KLHL1: variants seen among roughly 807,000 people sequenced by gnomAD.
KLHL1 encodes kelch like family member 1.
KLHL1 carries 47 observed loss-of-function variants against 77.7 expected under a neutral mutation model. That is an observed-to-expected ratio of 0.60 (90% CI 0.48 to 0.77). The LOEUF is 0.77. Ranked by LOEUF, KLHL1 falls within the 30% of genes least tolerant of loss-of-function variation. The pLI is 0.00. For missense variants in KLHL1, 925 were observed against 910.8 expected, an observed-to-expected ratio of 1.02 and a Z score of -0.20; for synonymous variants, 360 against 325.2, an observed-to-expected ratio of 1.11 and a Z score of -1.15.
At chr13:69,747,963 C>T (rs997869313) in intron 7 of KLHL1, among the ~76,000 whole-genome samples, 2 of 151,786 alleles carry the variant, frequency 1.3e-5, no homozygotes, top group African/African-American at 2.4e-5. Flanking sequence ...TATAATAAGC[C>T]AAGGAACATT....
chr13:70,108,011 T>G lies in KLHL1; in HGVS notation c.-312A>C. ...CGATGCCCGCGCGAGAGCCCCGTGT[T>G]ATGGCGAGGTGGGACAACCCTTAGG... On this transcript the variant is annotated 5_prime_UTR_variant, in exon 1 of 11. Coordinates refer to ENST00000377844, the MANE Select transcript of KLHL1 (RefSeq NM_020866.3). 2.3e-6 allele frequency: 1 copy of G among 441,618 alleles called. No homozygotes were observed. The highest frequency in any genetic ancestry group is 4.0e-6 in the Non-Finnish European group (1 of 251,136). The allele number at this position is 441,618 out of a possible 1,614,324, so 27.4% of individuals were successfully genotyped here. A position where few individuals can be genotyped will look rare whatever the true frequency, so the allele number is the denominator to read the frequency against.
intron 5 of KLHL1, among the ~76,000 whole-genome samples, chr13:69,879,714 A>C (rs907395029): frequency 6.6e-6 from 1 of 152,168 alleles, no homozygotes; most frequent in East Asian, 1.9e-4. Flanking sequence ...ACATTGAGGC[A>C]AATATGAAAC....
At chr13:69,775,312 G>A (rs1381724002) in intron 7 of KLHL1, among the ~76,000 whole-genome samples, 1 of 151,978 alleles carries the variant, frequency 6.6e-6, no homozygotes, top group East Asian at 1.9e-4. Context: ...TGACTCAAAT[G>A]TCTAAACATT....
rs1410562985 is a variant in KLHL1, at chr13:69,810,086, A to G, written c.1415-13124T>C. 2.0e-5 allele frequency among the ~76,000 whole-genome samples: 3 copies of G among 152,152 alleles called. No individual in the cohort carries two copies. The East Asian group carries it at 5.8e-4, about 29-fold the overall frequency. ...AAAAGACTTTGACAGCCACAAAGTA[A>G]TAGTGGCAGACTGCAACACCTTACT... On this transcript the variant is annotated intron_variant, in intron 6 of 10. Transcript: ENST00000377844.
chr13:69,759,552 A>G (rs1165370415), intron 7 of KLHL1, among the ~76,000 whole-genome samples: 2 of 152,314 alleles, frequency 1.3e-5, no homozygotes, highest in Admixed American at 1.3e-4. Flanking sequence ...ACATAACATA[A>G]AGACATATAG....
At chr13:70,034,778 C>T (rs1004843387) in intron 1 of KLHL1, among the ~76,000 whole-genome samples, 7 of 151,996 alleles carry the variant, frequency 4.6e-5, no homozygotes, top group Admixed American at 3.9e-4. Context: ...AGTTCTTAAA[C>T]AGCTATGTAA....
chr13:69,781,823 T>C (rs1439990286), intron 7 of KLHL1, among the ~76,000 whole-genome samples: 1 of 152,162 alleles, frequency 6.6e-6, no homozygotes, highest in East Asian at 1.9e-4. Context: ...TGACTTTCAC[T>C]TTACTTCTCT....
chr13:69,822,923 T>C (rs1878395038), intron 6 of KLHL1, among the ~76,000 whole-genome samples: 1 of 147,860 alleles, frequency 6.8e-6, no homozygotes, highest in Non-Finnish European at 1.5e-5. Flanking sequence ...GCAATTCAGT[T>C]TTTTCAAAAA....
chr13:70,059,560 C>G (rs902095393), intron 1 of KLHL1, among the ~76,000 whole-genome samples: 23 of 152,118 alleles, frequency 1.5e-4, no homozygotes, highest in African/African-American at 5.6e-4. Flanking sequence ...AATGTTTTTG[C>G]ACAGCAAAGG....
In KLHL1 at chr13:69,719,578, C is replaced by A. The variant is rs766360091; in HGVS notation, c.1806G>T (p.Leu602Phe). Residue 602 changes from leucine to phenylalanine, a missense_variant, in exon 9 of 11, where the codon TTG becomes TTT. By Grantham distance (22) the Leu-to-Phe change is conservative (BLOSUM62 0). Coordinates refer to ENST00000377844, the MANE Select transcript of KLHL1 (RefSeq NM_020866.3). ...TVGVAALNGKLYSVGGRDGSS... is the reference protein window; with the variant it reads ...TVGVAALNGKFYSVGGRDGSS... ...TTCCATCACGACCTCCAACTGAATA[C>A]AACCTAAAAACACAATTGGAAAAAT... The A allele has an allele frequency of 3.7e-6, 6 of 1,608,120 alleles. No homozygotes were observed. The highest frequency in any genetic ancestry group is 5.1e-6 in the Non-Finnish European group (6 of 1,177,126).
chr13:69,915,246 C>A (rs933814978), intron 4 of KLHL1, among the ~76,000 whole-genome samples: 4 of 152,030 alleles, frequency 2.6e-5, no homozygotes, highest in Non-Finnish European at 5.9e-5. Flanking sequence ...AAACTACTTT[C>A]AAGTTCATAT....
intron 7 of KLHL1, among the ~76,000 whole-genome samples, chr13:69,774,511 G>C (rs772895229): frequency 3.8e-4 from 58 of 151,870 alleles, no homozygotes; most frequent in Non-Finnish European, 6.3e-4. Flanking sequence ...TGTGAAAAAT[G>C]GTATGAGTTC....
chr13:69,804,094 A>G (rs778600164), intron 6 of KLHL1, among the ~76,000 whole-genome samples: 1 of 152,158 alleles, frequency 6.6e-6, no homozygotes, highest in Non-Finnish European at 1.5e-5. Flanking sequence ...GCATTTTTAC[A>G]ATTTATAAAG....
intron 1 of KLHL1, among the ~76,000 whole-genome samples, chr13:70,057,303 C>A (rs1166348696): frequency 6.6e-6 from 1 of 151,834 alleles, no homozygotes; most frequent in Non-Finnish European, 1.5e-5. Context: ...TGTTTCCCAG[C>A]AAATAAAATC....
intron 8 of KLHL1, 76 bp downstream of exon 8, chr13:69,740,318 A>T: frequency 9.5e-7 from 1 of 1,058,052 alleles, no homozygotes; most frequent in Non-Finnish European, 1.3e-6. Flanking sequence ...CCAGCTTATT[A>T]AAACTTATTT....
chr13:70,018,018 A>C (rs1012598912), intron 1 of KLHL1, among the ~76,000 whole-genome samples: 1 of 151,396 alleles, frequency 6.6e-6, no homozygotes, highest in African/African-American at 2.4e-5. Context: ...GAATTCTGTT[A>C]ATTTTCTCCT....
rs2501239 is a variant in KLHL1, at chr13:70,001,304, C to T, written c.498-25502G>A. Among the ~76,000 whole-genome samples, 1,505 of 150,928 alleles carry T rather than the reference C, an allele frequency of 1.0e-2. 25 individuals are homozygous for T. Among genetic ancestry groups the T allele is most frequent in the African/African-American group, 0.034 (1,412 of 41,402 alleles). ...TAACAATTCAAAATTATTTGACTTA[C>T]GAATTCTGCAAACATTTAAAAACCA... is the stretch of plus-strand genomic sequence containing the variant. On this transcript the variant is annotated intron_variant, in intron 1 of 10. Coordinates refer to ENST00000377844, the MANE Select transcript of KLHL1 (RefSeq NM_020866.3).
chr13:69,862,090 T>C (rs538159444), intron 5 of KLHL1, among the ~76,000 whole-genome samples: 1 of 151,998 alleles, frequency 6.6e-6, no homozygotes, highest in Non-Finnish European at 1.5e-5. Flanking sequence ...TACAAAATAT[T>C]TGAATTAGAA....
chr13:69,869,511 A>G (rs952963961), intron 5 of KLHL1, among the ~76,000 whole-genome samples: 6 of 152,136 alleles, frequency 3.9e-5, no homozygotes, highest in Non-Finnish European at 1.5e-5. Context: ...ATAGCAGTGT[A>G]GTTTTACTTT....
Sources: allele counts gnomAD v4.1 joint callset (sites outside exome capture counted in the v4.1 genomes callset), GRCh38; gene constraint gnomAD v4.1.1; transcripts MANE v1.5; gene names NCBI Gene and HGNC (gene_info 2026-07-23, HGNC 2026-07-21).